The following PACRG variants were observed in gnomAD, a reference collection of about 807,000 sequenced individuals.
The protein encoded by PACRG is parkin coregulated, also known as parkin coregulated gene protein.
PACRG carries 29 observed loss-of-function variants against 29.7 expected under a neutral mutation model. The ratio of observed to expected loss-of-function variants is 0.98; its 90% CI spans 0.73 to 1.33. PACRG has a LOEUF of 1.33. Ranked by LOEUF, PACRG falls within the 40% of genes most tolerant of loss-of-function variation. The probability of loss-of-function intolerance (pLI) is 0.00; values close to 1 mark genes in which losing one functional copy is unlikely to be tolerated. For missense variants in PACRG, 279 were observed against 316.2 expected (o/e 0.88, Z 0.89); for synonymous variants, 116 against 118.7 (o/e 0.98, Z 0.15).
At chr6:162,863,710 T>C (rs1350522764) in intron 2 of PACRG, among the ~76,000 whole-genome samples, 1 of 152,214 alleles carries the variant, frequency 6.6e-6, no homozygotes, top group Non-Finnish European at 1.5e-5. Context: ...CAATGTCGTA[T>C]GTATGTATTA....
intron 4 of PACRG, among the ~76,000 whole-genome samples, chr6:163,092,777 T>G (rs1211861012): frequency 6.6e-6 from 1 of 152,260 alleles, no homozygotes; most frequent in African/African-American, 2.4e-5. Flanking sequence ...AGAGCCATTA[T>G]GATTACACAA....
At chr6:163,285,922 T>TCA (rs202161636) in intron 4 of PACRG, among the ~76,000 whole-genome samples, 1 of 143,212 alleles carries the variant, frequency 7.0e-6, no homozygotes, top group Non-Finnish European at 1.6e-5. Flanking sequence ...AGGGACTGAA[T>TCA]GACTCCATCC....
chr6:162,727,690 T>C (rs764297261), upstream of PACRG: 13 of 1,570,522 alleles, frequency 8.3e-6, no homozygotes, highest in Middle Eastern at 5.0e-4. Context: ...AGGTGGCGGC[T>C]GCGGGCCAGG....
rs143986056 is a variant in PACRG at position 163,068,367 on chromosome 6, C to T, written c.463+6046C>T. On this transcript the variant is annotated intron_variant, in intron 3 of 4. Transcript: ENST00000366888. ...CAGAGTCTTATGTTGCTTTGAAAAT[C>T]TTGATGCATCTGAATTTCTAGTCAT... is the stretch of plus-strand genomic sequence containing the variant. Among the ~76,000 whole-genome samples the T allele has an allele frequency of 6.6e-5, 10 of 152,234 alleles. No individual in the cohort carries two copies. In the South Asian group the frequency reaches 2.1e-3, roughly 32 times the overall value.
intron 4 of PACRG, among the ~76,000 whole-genome samples, chr6:163,292,155 G>A (rs1382235803): frequency 6.6e-6 from 1 of 152,260 alleles, no homozygotes; most frequent in Non-Finnish European, 1.5e-5. Context: ...AGACCATAAG[G>A]GACAACGTGC....
Position 162,947,623 on chromosome 6 carries a change from T to TAATC in PACRG, c.292-114526_292-114525insATCA, listed in dbSNP as rs796220707. On this transcript the variant is annotated intron_variant, in intron 2 of 4. Transcript: ENST00000366888. ...ATATATATATAATCATATATATATA[T>TAATC]ATATATATATATATATATATATATA... Among the ~76,000 whole-genome samples, 289 of 33,806 alleles carry TAATC rather than the reference T, an allele frequency of 8.5e-3. 2 individuals are homozygous for TAATC. Among genetic ancestry groups the TAATC allele is most frequent in the Middle Eastern group, 0.033 (1 of 30 alleles). 22.2% of individuals were successfully genotyped at this position (33,806 alleles called of 152,430 possible). A position where few individuals can be genotyped will look rare whatever the true frequency, so the allele number is the denominator to read the frequency against.
intron 1 of PACRG, among the ~76,000 whole-genome samples, chr6:162,789,167 A>G (rs1304365273): frequency 6.6e-6 from 1 of 152,164 alleles, no homozygotes; most frequent in Non-Finnish European, 1.5e-5. Flanking sequence ...TCTCCAAGAG[A>G]TCTAAAAGAA....
chr6:162,822,629 T>C (rs1055725545), intron 2 of PACRG, among the ~76,000 whole-genome samples: 3 of 152,158 alleles, frequency 2.0e-5, no homozygotes. Flanking sequence ...TTTTGAGTTC[T>C]TATTTAGATT....
intron 2 of PACRG, among the ~76,000 whole-genome samples, chr6:163,025,087 A>G (rs1807002257): frequency 2.0e-5 from 3 of 152,212 alleles, no homozygotes; most frequent in Non-Finnish European, 4.4e-5. Context: ...AACATTGCTC[A>G]AAATAATAAG....
chr6:163,141,079 A>C (rs1051281009), intron 4 of PACRG, among the ~76,000 whole-genome samples: 2 of 152,316 alleles, frequency 1.3e-5, no homozygotes, highest in East Asian at 3.9e-4. Flanking sequence ...TAGGCCACCA[A>C]AGAGAAAAGG....
At chr6:163,112,924 T>C (rs1815790167) in intron 4 of PACRG, among the ~76,000 whole-genome samples, 3 of 152,172 alleles carry the variant, frequency 2.0e-5, no homozygotes, top group African/African-American at 7.2e-5. Flanking sequence ...CAACAGATAG[T>C]AGACATTGCT....
intron 4 of PACRG, among the ~76,000 whole-genome samples, chr6:163,197,057 A>C (rs942599308): frequency 6.6e-5 from 10 of 152,222 alleles, no homozygotes; most frequent in Non-Finnish European, 1.5e-4. Flanking sequence ...GCAGAAAAAA[A>C]GTAAGAAGAA....
chr6:163,213,389 G>A (rs990551190), intron 4 of PACRG, among the ~76,000 whole-genome samples: 11 of 152,126 alleles, frequency 7.2e-5, no homozygotes, highest in African/African-American at 2.7e-4. Context: ...ATGTGATTCT[G>A]GATTGATCTT....
chr6:162,831,623 A>G (rs1788780362), intron 2 of PACRG, among the ~76,000 whole-genome samples: 2 of 152,144 alleles, frequency 1.3e-5, no homozygotes, highest in Non-Finnish European at 2.9e-5. Flanking sequence ...CCCAGCAAGC[A>G]TTAGTTATTT....
At chr6:162,932,890 G>A (rs773746008) in intron 2 of PACRG, among the ~76,000 whole-genome samples, 6 of 151,200 alleles carry the variant, frequency 4.0e-5, no homozygotes, top group Non-Finnish European at 5.9e-5. Flanking sequence ...CTTTATAAAC[G>A]TTCTAAAAAT....
At chr6:162,995,364 C>T (rs1175714933) in intron 2 of PACRG, among the ~76,000 whole-genome samples, 1 of 151,844 alleles carries the variant, frequency 6.6e-6, no homozygotes, top group Non-Finnish European at 1.5e-5. Flanking sequence ...GCAGTTTGAT[C>T]TCAGACTGCT....
chr6:163,301,999 G>A (rs1327970377), intron 4 of PACRG, among the ~76,000 whole-genome samples: 2 of 152,158 alleles, frequency 1.3e-5, no homozygotes, highest in Non-Finnish European at 1.5e-5. Flanking sequence ...TTAATGTCCT[G>A]ATTCAGGGGA....
intron 2 of PACRG, among the ~76,000 whole-genome samples, chr6:162,895,366 C>G (rs1430749349): frequency 6.6e-6 from 1 of 151,956 alleles, no homozygotes; most frequent in Non-Finnish European, 1.5e-5. Flanking sequence ...TACAACTACC[C>G]AGCATAACTG....
At chr6:163,232,273 C>G (rs1782074407) in intron 4 of PACRG, among the ~76,000 whole-genome samples, 1 of 152,148 alleles carries the variant, frequency 6.6e-6, no homozygotes, top group Admixed American at 6.5e-5. Flanking sequence ...TCACCTGCAC[C>G]AGGTGCCGTG....
Sources: gnomAD v4.1 joint callset for allele counts (sites outside exome capture counted in the v4.1 genomes callset) on GRCh38, gnomAD v4.1.1 for gene constraint, MANE v1.5 for transcripts, NCBI Gene and HGNC (gene_info 2026-07-23, HGNC 2026-07-21) for gene names.